The following SYT2 variants were observed in gnomAD, a reference collection of about 807,000 sequenced individuals.
SYT2 encodes synaptotagmin 2, also known as synaptotagmin-2.
In SYT2, 15 loss-of-function variants were observed where a neutral mutation model predicts 39.9. That is an observed-to-expected ratio of 0.38 (90% CI 0.25 to 0.58). SYT2 has a LOEUF of 0.58. Among genes scored for constraint, SYT2 ranks in the 20% least tolerant of loss-of-function variants. The pLI, the probability that SYT2 is intolerant of heterozygous loss-of-function variation, is 0.70. For synonymous variants in SYT2, 181 were observed against 204.5 expected (o/e 0.89, Z 0.98); for missense variants, 389 against 530.3 (o/e 0.73, Z 2.62).
intron 6 of SYT2, 51 bp from the exon 7 acceptor site, chr1:202,600,525 C>T (rs1325665407): frequency 6.4e-7 from 1 of 1,563,712 alleles, no homozygotes; most frequent in East Asian, 2.2e-5. Context: ...CCTAGTGCCT[C>T]TCTCATGGCT....
intron 1 of SYT2, among the ~76,000 whole-genome samples, chr1:202,608,778 G>A (rs541164909): frequency 6.6e-6 from 1 of 152,124 alleles, no homozygotes; most frequent in Non-Finnish European, 1.5e-5. Flanking sequence ...GTATGGAATT[G>A]CTGGGTCATA....
At chr1:202,653,983 T>C (rs1692235543) in intron 1 of SYT2, among the ~76,000 whole-genome samples, 2 of 152,198 alleles carry the variant, frequency 1.3e-5, no homozygotes, top group Admixed American at 1.3e-4. Flanking sequence ...ATGCAAAGTC[T>C]GAAGGTGGCC....
rs150707131 is a variant in SYT2 at position 202,605,648 on chromosome 1, T to C, written c.125A>G (p.Asp42Gly). ...CTTCTCCTTCAGTTTGGCAAACATGTCCTCCTGGCTCTCCCCAGCACCCCC... is the reference window on the plus strand; with the variant it reads ...CTTCTCCTTCAGTTTGGCAAACATGCCCTCCTGGCTCTCCCCAGCACCCCC... The part of the protein sequence containing the change: ...ESGGAGESQE[D>G]MFAKLKEKLF... Residue 42 changes from aspartate (D) to glycine (G), a missense_variant, in exon 2 of 9, where the codon GAC becomes GGC. This residue lies in a region of SYT2 where 280 missense variants were observed against 335.6 expected (regional missense o/e 0.83). Transcript: ENST00000367268. 744 of 1,613,964 alleles carry C rather than the reference T, an allele frequency of 4.6e-4. 1 individual carries two copies. Among genetic ancestry groups the C allele is most frequent in the Non-Finnish European group, 6.0e-4 (709 of 1,179,856 alleles).
chr1:202,675,967 C>G (rs1272023982), intron 1 of SYT2, among the ~76,000 whole-genome samples: 2 of 152,222 alleles, frequency 1.3e-5, no homozygotes, highest in African/African-American at 4.8e-5. Flanking sequence ...GTTACTATGT[C>G]TATTTTACAG....
chr1:202,650,492 A>G (rs1692171461), intron 1 of SYT2, among the ~76,000 whole-genome samples: 2 of 150,586 alleles, frequency 1.3e-5, no homozygotes, highest in East Asian at 3.9e-4. Context: ...CTGGAGTGCA[A>G]TGGCACAATC....
At chr1:202,643,877 A>G (rs890707498) in intron 1 of SYT2, among the ~76,000 whole-genome samples, 1 of 150,750 alleles carries the variant, frequency 6.6e-6, no homozygotes, top group East Asian at 2.0e-4. Context: ...TCCCCACCCC[A>G]CCCGCCAGCT....
intron 1 of SYT2, among the ~76,000 whole-genome samples, chr1:202,609,588 G>A (rs1690826510): frequency 6.6e-6 from 1 of 152,224 alleles, no homozygotes; most frequent in Non-Finnish European, 1.5e-5. Context: ...CATTCTAACT[G>A]GTGTGAGATG....
At chr1:202,643,635 C>T (rs1445080895) in intron 1 of SYT2, among the ~76,000 whole-genome samples, 1 of 152,240 alleles carries the variant, frequency 6.6e-6, no homozygotes. Context: ...AGGCTGCCTC[C>T]GCGCGCCCAC....
chr1:202,702,065 G>C, intron 1 of SYT2, among the ~76,000 whole-genome samples: 1 of 152,116 alleles, frequency 6.6e-6, no homozygotes, highest in African/African-American at 2.4e-5. Context: ...TGGGGCTCAC[G>C]ATCTACTCCA....
In SYT2 at chr1:202,688,693, CAAG is replaced by C. The variant is rs1303049883; in HGVS notation, c.-18+21562_-18+21564del. ...AACAAGAGGACACATTCGTTTGCAG[CAAG>C]AAGGTCTCCGACTAGAGAGCAGGAA... On this transcript the variant is annotated intron_variant, in intron 1 of 8. Transcript: ENST00000367268. Among the ~76,000 whole-genome samples the C allele has an allele frequency of 5.3e-5, 8 of 152,324 alleles. No individual in the cohort carries two copies. The East Asian group carries it at 1.5e-3, about 29-fold the overall frequency.
At chr1:202,673,309 T>C (rs527907541) in intron 1 of SYT2, among the ~76,000 whole-genome samples, 8 of 152,266 alleles carry the variant, frequency 5.3e-5, no homozygotes, top group African/African-American at 1.7e-4. Flanking sequence ...CGTTGGAACA[T>C]GTAAGTTAAA....
intron 1 of SYT2, among the ~76,000 whole-genome samples, chr1:202,690,420 C>A (rs1357552715): frequency 6.6e-6 from 1 of 152,170 alleles, no homozygotes; most frequent in Non-Finnish European, 1.5e-5. Context: ...GAGAAAGACA[C>A]CCACTGCTAG....
chr1:202,599,359 G>A lies in SYT2; in HGVS notation c.920-8C>T, dbSNP rs780347829. 1.1e-5 allele frequency: 18 copies of A among 1,582,420 alleles called. No individual in the cohort carries two copies. Among genetic ancestry groups the A allele is most frequent in the Non-Finnish European group, 1.5e-5 (17 of 1,169,584 alleles). ...GGATCTTCACGTACGGGTCTGCGGA[G>A]GGAGAATCCCAACCCCAGAGAGGTT... On this transcript the variant is annotated splice_polypyrimidine_tract_variant and splice_region_variant and intron_variant, in intron 7 of 8. Coordinates refer to ENST00000367268, the MANE Select transcript of SYT2 (RefSeq NM_177402.5). This position sits in a 1 kb window ranked among gnomAD's most constrained non-coding sequence, Gnocchi z 4.4.
intron 1 of SYT2, among the ~76,000 whole-genome samples, chr1:202,636,715 T>C (rs1343810651): frequency 6.6e-6 from 1 of 152,260 alleles, no homozygotes; most frequent in African/African-American, 2.4e-5. Context: ...ACACTCTTTA[T>C]ATTACTTTAT....
intron 1 of SYT2, among the ~76,000 whole-genome samples, chr1:202,702,416 TC>T (rs958924175): frequency 1.6e-4 from 25 of 152,358 alleles, no homozygotes; most frequent in Non-Finnish European, 2.8e-4. Context: ...CTTTTCCTAC[TC>T]GTGGGAGAGT....
At chr1:202,667,339 AC>A (rs1274243101) in intron 1 of SYT2, among the ~76,000 whole-genome samples, 1 of 152,160 alleles carries the variant, frequency 6.6e-6, no homozygotes, top group Non-Finnish European at 1.5e-5. Context: ...CCCTCCTCCC[AC>A]CCTACAGTCT....
chr1:202,624,766 GGTGTGTGGTGT>G (rs1316798981), intron 1 of SYT2, among the ~76,000 whole-genome samples: 4 of 20,758 alleles, frequency 1.9e-4, no homozygotes, highest in East Asian at 1.4e-3. Flanking sequence ...GTGTGTGTGT[GGTGTGTGGTGT>G]GTGTGTGGTG....
At chr1:202,666,022 G>A (rs937699149) in intron 1 of SYT2, among the ~76,000 whole-genome samples, 16 of 151,778 alleles carry the variant, frequency 1.1e-4, no homozygotes, top group African/African-American at 2.4e-4. Context: ...GCGTGGTGGC[G>A]GGCGCCTGTA....
At chr1:202,644,120 G>A (rs1692020428) in intron 1 of SYT2, among the ~76,000 whole-genome samples, 1 of 152,200 alleles carries the variant, frequency 6.6e-6, no homozygotes, top group Non-Finnish European at 1.5e-5. Context: ...GCAGCCCGCG[G>A]TCCCCACCCT....
Sources: gnomAD v4.1 joint callset for allele counts (sites outside exome capture counted in the v4.1 genomes callset) on GRCh38, gnomAD v4.1.1 for gene constraint, gnomAD v4.1.1 regional missense constraint, Gnocchi (gnomAD v3.1) non-coding constraint, MANE v1.5 for transcripts, NCBI Gene and HGNC (gene_info 2026-07-23, HGNC 2026-07-21) for gene names.